The following MYLK variants were observed in gnomAD, a reference collection of about 807,000 sequenced individuals.
The protein encoded by MYLK is myosin light chain kinase, smooth muscle.
MYLK carries 106 observed loss-of-function variants against 203.4 expected under a neutral mutation model. That is an observed-to-expected ratio of 0.52 (90% confidence interval 0.45 to 0.61). The LOEUF is 0.61. MYLK is among the 20% of genes least tolerant of loss of function. The pLI, the probability that MYLK is intolerant of heterozygous loss-of-function variation, is 0.00. For synonymous variants in MYLK, 867 were observed against 959.5 expected (o/e 0.90, Z 1.78); for missense variants, 2,072 against 2,442.3 (o/e 0.85, Z 3.20).
chr3:123,714,725 T>C (rs531269393), intron 13 of MYLK, among the ~76,000 whole-genome samples: 15 of 152,318 alleles, frequency 9.8e-5, no homozygotes, highest in African/African-American at 2.6e-4. Flanking sequence ...TTTCCTTGCC[T>C]AGGATTAAGG....
chr3:123,870,933 C>G (rs988576508), intron 2 of MYLK, among the ~76,000 whole-genome samples: 2 of 152,202 alleles, frequency 1.3e-5, no homozygotes, highest in Admixed American at 1.3e-4. Flanking sequence ...AACTCCAACT[C>G]CCTTTCCTCT....
intron 18 of MYLK, among the ~76,000 whole-genome samples, chr3:123,694,369 G>A (rs990913205): frequency 6.6e-6 from 1 of 152,164 alleles, no homozygotes; most frequent in African/African-American, 2.4e-5. Flanking sequence ...ATTTTAGGAA[G>A]TCTGTCATAA....
intron 4 of MYLK, among the ~76,000 whole-genome samples, chr3:123,767,625 A>T (rs1425414456): frequency 6.6e-6 from 1 of 152,150 alleles, no homozygotes; most frequent in South Asian, 2.1e-4. Context: ...AACAAAAACA[A>T]AAACAAATGC....
rs1438772066 is a variant in MYLK at position 123,629,217 on chromosome 3, C to T, written c.5114+257G>A. On this transcript the variant is annotated intron_variant, in intron 30 of 33. Transcript: ENST00000360304. This position sits in a 1 kb window ranked among gnomAD's most constrained non-coding sequence, Gnocchi z 4.4. ...TGCTCTGTAACGTGGTCAAGTGTCG[C>T]TTTTCAAGTCAGGTGTCTGAGCCTC... Among the ~76,000 whole-genome samples, 1 of 152,180 alleles carries T rather than the reference C, an allele frequency of 6.6e-6. No individual in the cohort carries two copies. Among genetic ancestry groups the T allele is most frequent in the Non-Finnish European group, 1.5e-5 (1 of 68,034 alleles).
rs1305430729 is a variant in MYLK at position 123,614,165 on chromosome 3, T to C, written c.5685A>G (p.Ala1895=). The change falls in exon 34 of 34, where the codon GCA becomes GCG. Residue 1895 remains alanine, a synonymous_variant. Transcript: ENST00000360304. ...VNSLGEATCT[A]ELIVETMEEG... ...CCTCCATCGTTTCCACAATGAGCTC[T>C]GCTGTGCAGGTGGCTTCTCCAAGAC... 3 of 1,614,100 alleles carry C rather than the reference T, an allele frequency of 1.9e-6. No individual in the cohort carries two copies. Among genetic ancestry groups the C allele is most frequent in the Non-Finnish European group, 2.5e-6 (3 of 1,179,992 alleles).
intron 19 of MYLK, chr3:123,692,498 A>G: frequency 1.1e-6 from 1 of 950,952 alleles, no homozygotes; most frequent in Non-Finnish European, 1.5e-6. Context: ...TGGGAGGGGG[A>G]CAGGACAGCC....
intron 32 of MYLK, among the ~76,000 whole-genome samples, 186 bp from the exon 33 acceptor site, chr3:123,618,956 G>A (rs2057682871): frequency 6.6e-6 from 1 of 152,230 alleles, no homozygotes; most frequent in South Asian, 2.1e-4. Context: ...GTTTTTGGCA[G>A]AAGAAGGAAC....
chr3:123,726,593 A>T (rs1053267946), intron 11 of MYLK, among the ~76,000 whole-genome samples: 1 of 152,152 alleles, frequency 6.6e-6, no homozygotes, highest in African/African-American at 2.4e-5. Flanking sequence ...TCCAGAACTG[A>T]ATCATAGGAC....
intron 30 of MYLK, among the ~76,000 whole-genome samples, chr3:123,628,157 A>T (rs919565355): frequency 7.2e-5 from 11 of 152,212 alleles, no homozygotes; most frequent in Non-Finnish European, 1.6e-4. Context: ...AAAGGCTAAA[A>T]AGATCTCATT....
At chr3:123,798,643 G>T (rs970940195) in intron 3 of MYLK, among the ~76,000 whole-genome samples, 4 of 152,080 alleles carry the variant, frequency 2.6e-5, no homozygotes, top group Non-Finnish European at 4.4e-5. Flanking sequence ...CCTAGGAGAG[G>T]TCTGGCTTCA....
rs1434528778 is a variant in MYLK, at chr3:123,629,152, TAAG to T, written c.5114+319_5114+321del. Among the ~76,000 whole-genome samples, 1 of 151,960 alleles carries T rather than the reference TAAG, an allele frequency of 6.6e-6. No individual in the cohort carries two copies. On this transcript the variant is annotated intron_variant, in intron 30 of 33. Coordinates refer to ENST00000360304, the MANE Select transcript of MYLK (RefSeq NM_053025.4). This position sits in a 1 kb window ranked among gnomAD's most constrained non-coding sequence, Gnocchi z 4.4. ...GCTGGCCACAACTGTACCCAGAAAATAAGAAGGGTGGTCATTATTCACACAGAA... is the reference window on the plus strand; with the variant it reads ...GCTGGCCACAACTGTACCCAGAAAATAAGGGTGGTCATTATTCACACAGAA...
intron 13 of MYLK, among the ~76,000 whole-genome samples, chr3:123,710,349 C>G (rs2061643264): frequency 6.6e-6 from 1 of 151,870 alleles, no homozygotes; most frequent in African/African-American, 2.4e-5. Flanking sequence ...AGCAAACAGG[C>G]ATTTATTTTC....
chr3:123,884,308 G>A lies in MYLK; in HGVS notation c.-288C>T, dbSNP rs2682231. 20,256 of 147,024 alleles carry A rather than the reference G, an allele frequency of 0.14. 2,439 individuals carry two copies. Among genetic ancestry groups the A allele is most frequent in the East Asian group, 0.36 (1,758 of 4,894 alleles). 9.1% of individuals were successfully genotyped at this position (147,024 alleles called of 1,614,324 possible). Reference sequence around the variant, plus strand: ...CTCCGAGCTCGCTCAGCGCCCTGCTGCCGACCGGGCGGCGCGGGGAGCCCG... The same window carrying A: ...CTCCGAGCTCGCTCAGCGCCCTGCTACCGACCGGGCGGCGCGGGGAGCCCG... On this transcript the variant is annotated 5_prime_UTR_variant, in exon 1 of 34. Coordinates refer to ENST00000360304, the MANE Select transcript of MYLK (RefSeq NM_053025.4).
intron 4 of MYLK, among the ~76,000 whole-genome samples, chr3:123,786,585 C>T (rs1381556949): frequency 6.6e-6 from 1 of 151,774 alleles, no homozygotes; most frequent in Non-Finnish European, 1.5e-5. Flanking sequence ...ATAAGACCTA[C>T]TATTCGATAG....
At chr3:123,663,836 C>G (rs780803204) in intron 23 of MYLK, among the ~76,000 whole-genome samples, 17 of 152,128 alleles carry the variant, frequency 1.1e-4, no homozygotes, top group Non-Finnish European at 2.4e-4. Context: ...GCGGGGAACT[C>G]CAGGAACAGC....
intron 3 of MYLK, among the ~76,000 whole-genome samples, chr3:123,805,894 G>A (rs962881934): frequency 1.3e-5 from 2 of 152,162 alleles, no homozygotes; most frequent in Non-Finnish European, 1.5e-5. Flanking sequence ...CATTGTAACT[G>A]TAATAAGTAA....
rs1312751368 is a variant in MYLK at position 123,612,214 on chromosome 3, C to G, written c.*1891G>C. On this transcript the variant is annotated 3_prime_UTR_variant, in exon 34 of 34. Transcript: ENST00000360304. ...AAGCCAGTTCTTCACATCTAGGCAC[C>G]ACAGTGTTTGTTTTTCATTTCCAGG... is the stretch of plus-strand genomic sequence containing the variant. 1 of 152,622 alleles carries G rather than the reference C, an allele frequency of 6.6e-6. No individual in the cohort carries two copies. The highest frequency in any genetic ancestry group is 1.5e-5 in the Non-Finnish European group (1 of 68,034). The allele number at this position is 152,622 out of a possible 1,614,324, so 9.5% of individuals were successfully genotyped here.
chr3:123,722,599 C>T (rs769732479), intron 12 of MYLK, among the ~76,000 whole-genome samples: 1 of 152,088 alleles, frequency 6.6e-6, no homozygotes, highest in Non-Finnish European at 1.5e-5. Context: ...GAGTTTTGGG[C>T]ATTCTGTGTT....
At chr3:123,864,812 A>G (rs1247162888) in intron 2 of MYLK, among the ~76,000 whole-genome samples, 1 of 152,196 alleles carries the variant, frequency 6.6e-6, no homozygotes, top group Non-Finnish European at 1.5e-5. Flanking sequence ...AGCTAAAAGC[A>G]GGAGGATCGT....
Sources: allele counts gnomAD v4.1 joint callset (sites outside exome capture counted in the v4.1 genomes callset), GRCh38; gene constraint gnomAD v4.1.1; non-coding constraint Gnocchi (gnomAD v3.1); transcripts MANE v1.5; gene names NCBI Gene and HGNC (gene_info 2026-07-23, HGNC 2026-07-21).